CDC42EP3: variants seen among roughly 807,000 people sequenced by gnomAD.
The protein encoded by CDC42EP3 is CDC42 effector protein 3.
A neutral mutation model predicts 15.5 loss-of-function variants in CDC42EP3; 4 were observed. The ratio of observed to expected loss-of-function variants is 0.26; its 90% confidence interval spans 0.13 to 0.59. CDC42EP3 has a LOEUF of 0.59. Ranked by LOEUF, CDC42EP3 falls within the 20% of genes least tolerant of loss-of-function variation. The pLI is 0.89. For missense variants in CDC42EP3, 309 were observed against 311.2 expected, an observed-to-expected ratio of 0.99 and a Z score of 0.05; for synonymous variants, 145 against 130.3, an observed-to-expected ratio of 1.11 and a Z score of -0.77.
Position 37,646,120 on chromosome 2 carries a change from T to C in CDC42EP3, c.468A>G (p.Lys156=). The change falls in exon 2 of 2, where the codon AAA becomes AAG. Residue 156 remains lysine, a synonymous_variant. Transcript: ENST00000295324. The part of the protein sequence containing the change: ...EPVMEEKAQE[K]SSLLENGTVH... ...CTGTCCCATTCTCCAACAGACTGCT[T>C]TTCTCCTGAGCTTTTTCCTCCATGA... The C allele has an allele frequency of 6.2e-7, 1 of 1,614,178 alleles. No homozygotes were observed. Among genetic ancestry groups the C allele is most frequent in the South Asian group, 1.1e-5 (1 of 91,084 alleles).
intron 1 of CDC42EP3, among the ~76,000 whole-genome samples, chr2:37,663,717 TGA>T (rs926964161): frequency 1.3e-5 from 2 of 152,214 alleles, no homozygotes; most frequent in African/African-American, 4.8e-5. Flanking sequence ...TGGTTAATAC[TGA>T]GTGTCGACTT....
In CDC42EP3 at chr2:37,646,784, C is replaced by T; in HGVS notation, c.-197G>A. 1.8e-6 allele frequency: 1 copy of T among 543,032 alleles called. No individual in the cohort carries two copies. Among genetic ancestry groups the T allele is most frequent in the East Asian group, 3.3e-5 (1 of 30,214 alleles). 33.6% of individuals were successfully genotyped at this position (543,032 alleles called of 1,614,324 possible). A position where few individuals can be genotyped will look rare whatever the true frequency, so the allele number is the denominator to read the frequency against. On this transcript the variant is annotated 5_prime_UTR_variant, in exon 2 of 2. Transcript: ENST00000295324. The stretch of plus-strand genomic sequence containing the variant: ...GGCCAAGTGAGGCTTCCTAGAGAGC[C>T]AGTTACATCATCCAGTCTTGACCAC...
chr2:37,656,310 G>A (rs1287743944), intron 1 of CDC42EP3, among the ~76,000 whole-genome samples: 2 of 152,234 alleles, frequency 1.3e-5, no homozygotes, highest in Non-Finnish European at 2.9e-5. Flanking sequence ...TAGGCTGAAA[G>A]CTCTTCTGTG....
intron 1 of CDC42EP3, among the ~76,000 whole-genome samples, chr2:37,664,727 C>T (rs916759488): frequency 3.9e-5 from 6 of 152,248 alleles, no homozygotes; most frequent in South Asian, 4.2e-4. Context: ...CTTGAGGAGC[C>T]GGTAGTCTAA....
chr2:37,661,451 C>CA (rs1298662246), intron 1 of CDC42EP3, among the ~76,000 whole-genome samples: 9 of 152,150 alleles, frequency 5.9e-5, no homozygotes, highest in African/African-American at 2.2e-4. Context: ...TAAAGATAAA[C>CA]AGGAGACGTA....
intron 1 of CDC42EP3, among the ~76,000 whole-genome samples, chr2:37,648,961 T>C (rs992056771): frequency 6.6e-6 from 1 of 151,266 alleles, no homozygotes; most frequent in East Asian, 1.9e-4. Flanking sequence ...GCAGCTGCCA[T>C]GGAAAGATAC....
In CDC42EP3 at chr2:37,646,042, G is replaced by A; in HGVS notation, c.546C>T (p.Ser182=). 1 of 1,614,120 alleles carries A rather than the reference G, an allele frequency of 6.2e-7. No individual in the cohort carries two copies. The highest frequency in any genetic ancestry group is 1.7e-5 in the Admixed American group (1 of 60,012). ...WGSSGSASQS[S]QGRDSHSSSL... ...TGGAGGAGTGGCTGTCTCTGCCTTGGCTGGACTGAGATGCAGAACCGCTGG... is the reference window on the plus strand; with the variant it reads ...TGGAGGAGTGGCTGTCTCTGCCTTGACTGGACTGAGATGCAGAACCGCTGG... The change falls in exon 2 of 2, where the codon AGC becomes AGT. Residue 182 remains serine, a synonymous_variant. Transcript: ENST00000295324.
chr2:37,667,655 TAATA>T (rs2124638865), intron 1 of CDC42EP3, among the ~76,000 whole-genome samples: 2 of 152,356 alleles, frequency 1.3e-5, no homozygotes, highest in African/African-American at 4.8e-5. Context: ...TCATCTTTAA[TAATA>T]AAATAATTTA....
chr2:37,667,562 T>A (rs552438226), intron 1 of CDC42EP3, among the ~76,000 whole-genome samples: 1 of 152,328 alleles, frequency 6.6e-6, no homozygotes, highest in East Asian at 1.9e-4. Context: ...ATCTCTTCGT[T>A]TATGGCATAA....
intron 1 of CDC42EP3, among the ~76,000 whole-genome samples, chr2:37,653,761 TAA>T (rs60459309): frequency 0.026 from 3,644 of 141,572 alleles, 110 homozygotes; most frequent in African/African-American, 0.072. Context: ...AGAGAAAAAG[TAA>T]AAAAAAAAAA....
rs545868365 is a variant in CDC42EP3 at position 37,646,759 on chromosome 2, G to A, written c.-172C>T. ...TCAAAGAGAACCTTCCTGAGGTTAC[G>A]GCCAAGTGAGGCTTCCTAGAGAGCC... On this transcript the variant is annotated 5_prime_UTR_variant, in exon 2 of 2. Transcript: ENST00000295324. 1.3e-5 allele frequency: 8 copies of A among 616,642 alleles called. No homozygotes were observed. The East Asian group carries it at 1.5e-4, about 11-fold the overall frequency. The allele number at this position is 616,642 out of a possible 1,614,324, so 38.2% of individuals were successfully genotyped here.
At position 37,645,873 on chromosome 2, in the gene CDC42EP3, C is replaced by A; in HGVS notation, c.715G>T (p.Gly239Trp). The change falls in exon 2 of 2, where the codon GGG (glycine) becomes TGG (tryptophan). Residue 239 changes from glycine to tryptophan, a missense_variant. Transcript: ENST00000295324. ...AGCACCTCATCCAAAAGTGAGGGCCCAAGATCAAGCTGCAGGGAGAGGAGG... is the reference window on the plus strand; with the variant it reads ...AGCACCTCATCCAAAAGTGAGGGCCAAAGATCAAGCTGCAGGGAGAGGAGG... ...GSLLSLQLDLGPSLLDEVLNV... is the reference protein window; with the variant it reads ...GSLLSLQLDLWPSLLDEVLNV... The A allele has an allele frequency of 6.3e-7, 1 of 1,582,326 alleles. No individual in the cohort carries two copies. Among genetic ancestry groups the A allele is most frequent in the Non-Finnish European group, 8.6e-7 (1 of 1,167,986 alleles).
intron 1 of CDC42EP3, among the ~76,000 whole-genome samples, chr2:37,669,497 T>C (rs1465565352): frequency 6.6e-6 from 1 of 152,184 alleles, no homozygotes; most frequent in Non-Finnish European, 1.5e-5. Flanking sequence ...AAGCAAAAAG[T>C]GTGCAACACT....
intron 1 of CDC42EP3, among the ~76,000 whole-genome samples, chr2:37,668,671 CTGCACAACTT>C (rs1666316787): frequency 6.6e-6 from 1 of 152,198 alleles, no homozygotes; most frequent in Admixed American, 6.5e-5. Context: ...GTTTTGCTTA[CTGCACAACTT>C]TGGGTAAGTT....
chr2:37,655,207 C>T (rs538247715), intron 1 of CDC42EP3, among the ~76,000 whole-genome samples: 50 of 152,206 alleles, frequency 3.3e-4, no homozygotes, highest in Non-Finnish European at 4.7e-4. Context: ...TTAGCCAGAA[C>T]GAGCAGGCGG....
At chr2:37,655,547 A>T (rs6752119) in intron 1 of CDC42EP3, among the ~76,000 whole-genome samples, 43,146 of 152,004 alleles carry the variant, frequency 0.28, 6,697 homozygotes, top group East Asian at 0.55. Flanking sequence ...TGGACATAGA[A>T]CTCTGGCAGT....
intron 1 of CDC42EP3, among the ~76,000 whole-genome samples, chr2:37,647,070 T>C (rs1665504114): frequency 6.6e-6 from 1 of 152,238 alleles, no homozygotes; most frequent in Admixed American, 6.5e-5. Context: ...TCTGGACATG[T>C]CTATGGTTTT....
At chr2:37,671,088 C>G (rs11686168) in intron 1 of CDC42EP3, among the ~76,000 whole-genome samples, 1 of 152,022 alleles carries the variant, frequency 6.6e-6, no homozygotes, top group South Asian at 2.1e-4. Flanking sequence ...GGTAGCCAAG[C>G]GCGGCTTGTT....
At chr2:37,658,676 A>C (rs1665959769) in intron 1 of CDC42EP3, among the ~76,000 whole-genome samples, 1 of 152,076 alleles carries the variant, frequency 6.6e-6, no homozygotes, top group Non-Finnish European at 1.5e-5. Context: ...CCCAGCTATC[A>C]TCCCAGCACT....
Sources: gnomAD v4.1 joint callset for allele counts (sites outside exome capture counted in the v4.1 genomes callset) on GRCh38, gnomAD v4.1.1 for gene constraint, MANE v1.5 for transcripts, NCBI Gene and HGNC (gene_info 2026-07-23, HGNC 2026-07-21) for gene names.